The following BORCS8 variants were observed in gnomAD, a reference collection of about 807,000 sequenced individuals.
BORCS8 encodes BLOC-1 related complex subunit 8, also known as BLOC-1-related complex subunit 8.
BORCS8 carries 13 observed loss-of-function variants against 18.7 expected under a neutral mutation model. That is an observed-to-expected ratio of 0.70 (90% CI 0.45 to 1.11). The LOEUF (loss-of-function observed/expected upper bound fraction) is 1.11, where lower values mean the gene tolerates loss of function less well. Among genes scored for constraint, BORCS8 ranks in the 50% least tolerant of loss-of-function variants. BORCS8 has a pLI of 0.00. For synonymous variants in BORCS8, 68 were observed against 64.8 expected (o/e 1.05, Z -0.24); for missense variants, 165 against 165.7 (o/e 1.00, Z 0.02).
At chr19:19,187,656 A>G (rs985508508) in intron 1 of BORCS8, among the ~76,000 whole-genome samples, 5 of 147,944 alleles carry the variant, frequency 3.4e-5, no homozygotes, top group African/African-American at 1.3e-4. Flanking sequence ...CTCCTGCCTC[A>G]GCCTCCTGAG....
Position 19,182,719 on chromosome 19 carries a change from A to G in BORCS8, c.216-36T>C. The G allele has an allele frequency of 1.3e-6, 2 of 1,533,006 alleles. No homozygotes were observed. The highest frequency in any genetic ancestry group is 1.8e-6 in the Non-Finnish European group (2 of 1,138,278). 95.0% of individuals were successfully genotyped at this position (1,533,006 alleles called of 1,614,324 possible). On this transcript the variant is annotated intron_variant, in intron 3 of 5. Coordinates refer to ENST00000462790, the MANE Select transcript of BORCS8 (RefSeq NM_001145784.2). This position sits in a 1 kb window ranked among gnomAD's most constrained non-coding sequence, Gnocchi z 4.1. ...AGGACAGGCCTGGTCAGCGCTCCGG[A>G]CCTGCAGGTAACTGTCCCACACCCC...
At position 19,186,999 on chromosome 19, in the gene BORCS8, T is replaced by C; in HGVS notation, c.44A>G (p.Asp15Gly). 1 of 1,550,636 alleles carries C rather than the reference T, an allele frequency of 6.4e-7. No individual in the cohort carries two copies. The highest frequency in any genetic ancestry group is 8.7e-7 in the Non-Finnish European group (1 of 1,146,406). Residue 15 changes from aspartate to glycine, a missense_variant, in exon 2 of 6, where the codon GAC becomes GGC. By Grantham distance (94) the Asp-to-Gly change is moderately conservative. Coordinates refer to ENST00000462790, the MANE Select transcript of BORCS8 (RefSeq NM_001145784.2). ...EMQLKGKKVT[D>G]KFTESVYVLA... ...GACGTAGACGCTCTCAGTGAACTTGTCCGTGACTAGATACAGGTGGTAGGG... is the reference window on the plus strand; with the variant it reads ...GACGTAGACGCTCTCAGTGAACTTGCCCGTGACTAGATACAGGTGGTAGGG...
intron 1 of BORCS8, among the ~76,000 whole-genome samples, chr19:19,187,939 C>T (rs928443660): frequency 6.6e-6 from 1 of 151,592 alleles, no homozygotes; most frequent in African/African-American, 2.4e-5. Flanking sequence ...AACTCCCAGC[C>T]TCAAGGCATC....
At chr19:19,185,828 C>T (rs558164784) in intron 3 of BORCS8, among the ~76,000 whole-genome samples, 4 of 152,356 alleles carry the variant, frequency 2.6e-5, no homozygotes, top group Non-Finnish European at 4.4e-5. Flanking sequence ...ATCCCTCTTT[C>T]CTGTGGCAGC....
intron 4 of BORCS8, among the ~76,000 whole-genome samples, chr19:19,181,373 C>T (rs1047147349): frequency 1.3e-5 from 2 of 152,044 alleles, no homozygotes; most frequent in Non-Finnish European, 2.9e-5. Context: ...AAAAGTGGGA[C>T]AAGGCACTCC....
chr19:19,186,832 G>C, intron 2 of BORCS8, 61 bp downstream of exon 2: 1 of 1,246,688 alleles, frequency 8.0e-7, no homozygotes, highest in Non-Finnish European at 1.1e-6. Flanking sequence ...CTCCTTGCTG[G>C]TGTCCCAGCC....
At chr19:19,190,164 T>C (rs1014722580) in intron 1 of BORCS8, among the ~76,000 whole-genome samples, 3 of 152,210 alleles carry the variant, frequency 2.0e-5, no homozygotes, top group Non-Finnish European at 2.9e-5. Flanking sequence ...AGGCATTTTG[T>C]TCCTTTCTCT....
intron 4 of BORCS8, among the ~76,000 whole-genome samples, chr19:19,181,573 T>C (rs2060349596): frequency 6.6e-6 from 1 of 152,206 alleles, no homozygotes; most frequent in Non-Finnish European, 1.5e-5. Context: ...CAGTAAGAGC[T>C]ATGGCTTTTC....
In BORCS8 at chr19:19,190,579, G is replaced by A. The variant is rs555750447; in HGVS notation, c.37+1502C>T. 2.0e-5 allele frequency among the ~76,000 whole-genome samples: 3 copies of A among 152,296 alleles called. No individual in the cohort carries two copies. In the South Asian group the frequency reaches 6.2e-4, roughly 32 times the overall value. Reference sequence around the variant, plus strand: ...CGAAGCGGGAGGATCACCTGAGGTTGGGAGTTCGACACCAGCCTGACCAAC... The same window carrying A: ...CGAAGCGGGAGGATCACCTGAGGTTAGGAGTTCGACACCAGCCTGACCAAC... On this transcript the variant is annotated intron_variant, in intron 1 of 5. Transcript: ENST00000462790.
At chr19:19,188,813 T>C (rs1433588125) in intron 1 of BORCS8, among the ~76,000 whole-genome samples, 2 of 151,936 alleles carry the variant, frequency 1.3e-5, no homozygotes, top group Admixed American at 1.3e-4. Context: ...CCTTCTCCCC[T>C]GCAGGTGTCT....
intron 1 of BORCS8, among the ~76,000 whole-genome samples, chr19:19,189,837 GGTCT>G (rs1326383915): frequency 2.0e-5 from 3 of 151,928 alleles, no homozygotes; most frequent in Non-Finnish European, 4.4e-5. Context: ...GGACTGCTTG[GGTCT>G]GACAAGTGGA....
chr19:19,186,594 G>A (rs2060411591), intron 2 of BORCS8, among the ~76,000 whole-genome samples: 2 of 152,172 alleles, frequency 1.3e-5, no homozygotes, highest in African/African-American at 4.8e-5. Flanking sequence ...TTGCTGCCAT[G>A]TGAGGAAGTA....
intron 1 of BORCS8, among the ~76,000 whole-genome samples, chr19:19,190,606 T>C (rs1474212888): frequency 6.6e-6 from 1 of 152,140 alleles, no homozygotes. Context: ...CTGACCAACG[T>C]GGAGAAACCC....
chr19:19,186,608 G>A (rs953956802), intron 2 of BORCS8, among the ~76,000 whole-genome samples: 1 of 152,226 alleles, frequency 6.6e-6, no homozygotes. Context: ...GGAAGTACAT[G>A]TTTGCTTCCC....
intron 4 of BORCS8, among the ~76,000 whole-genome samples, chr19:19,181,639 G>A (rs1000100115): frequency 1.3e-5 from 2 of 152,202 alleles, no homozygotes; most frequent in Admixed American, 6.5e-5. Context: ...GCCAGATGCC[G>A]CTCCTCTTCA....
intron 3 of BORCS8, among the ~76,000 whole-genome samples, chr19:19,184,468 AT>A (rs1482121380): frequency 2.0e-5 from 3 of 151,078 alleles, no homozygotes; most frequent in Non-Finnish European, 4.4e-5. Context: ...CACCTGGCTA[AT>A]TTTTTTGTAT....
chr19:19,190,122 G>A (rs562417038), intron 1 of BORCS8, among the ~76,000 whole-genome samples: 2 of 152,248 alleles, frequency 1.3e-5, no homozygotes, highest in East Asian at 3.9e-4. Context: ...AAGCTTAAAA[G>A]ATGACCCCTC....
At position 19,182,332 on chromosome 19, in the gene BORCS8, G is replaced by A. The variant is rs2060357191; in HGVS notation, c.326+241C>T. On this transcript the variant is annotated intron_variant, in intron 4 of 5. Coordinates refer to ENST00000462790, the MANE Select transcript of BORCS8 (RefSeq NM_001145784.2). This position sits in a 1 kb window ranked among gnomAD's most constrained non-coding sequence, Gnocchi z 4.1. ...GTCTCCTTGTGAGCCTGTCTGTCTCGGTCACTGCTATGTCCCCAGTGCCCA... is the reference window on the plus strand; with the variant it reads ...GTCTCCTTGTGAGCCTGTCTGTCTCAGTCACTGCTATGTCCCCAGTGCCCA... The A allele has an allele frequency of 1.3e-5, 13 of 1,013,958 alleles. No individual in the cohort carries two copies. The Admixed American group carries it at 1.7e-4, about 13-fold the overall frequency. 62.8% of individuals were successfully genotyped at this position (1,013,958 alleles called of 1,614,324 possible). A position where few individuals can be genotyped will look rare whatever the true frequency, so the allele number is the denominator to read the frequency against.
rs1193706559 is a variant in BORCS8, at chr19:19,182,654, A to C, written c.245T>G (p.Val82Gly). ...SAVKNLVDSS[V>G]YFRSVEGLLK... is the part of the protein sequence containing the mutation. ...CAGACCCTCCACGCTGCGGAAGTAG[A>C]CGCTGCTGTCCACCAGGTTCTTCAC... Residue 82 changes from valine to glycine, a missense_variant, in exon 4 of 6, where the codon GTC becomes GGC. Coordinates refer to ENST00000462790, the MANE Select transcript of BORCS8 (RefSeq NM_001145784.2). This position sits in a 1 kb window ranked among gnomAD's most constrained non-coding sequence, Gnocchi z 4.1. 23 of 1,551,108 alleles carry C rather than the reference A, an allele frequency of 1.5e-5. No homozygotes were observed. The South Asian group carries it at 2.7e-4, about 18-fold the overall frequency.
Sources: allele counts gnomAD v4.1 joint callset (sites outside exome capture counted in the v4.1 genomes callset), GRCh38; gene constraint gnomAD v4.1.1; non-coding constraint Gnocchi (gnomAD v3.1); transcripts MANE v1.5; gene names NCBI Gene and HGNC (gene_info 2026-07-23, HGNC 2026-07-21).